Variants in ANO2 observed in about 807,000 individuals in gnomAD.
The protein encoded by ANO2 is anoctamin-2.
ANO2 carries 101 observed loss-of-function variants against 124.2 expected under a neutral mutation model. The ratio of observed to expected loss-of-function variants is 0.81; its 90% CI spans 0.69 to 0.96. The LOEUF (loss-of-function observed/expected upper bound fraction) is 0.96, where lower values mean the gene tolerates loss of function less well. Among genes scored for constraint, ANO2 ranks in the 40% least tolerant of loss-of-function variants. ANO2 has a pLI of 0.00. For synonymous variants in ANO2, 486 were observed against 482.5 expected (o/e 1.01, Z -0.09); for missense variants, 1,293 against 1,274.5 (o/e 1.01, Z -0.22).
At chr12:5,608,476 G>A (rs1190591215) in intron 19 of ANO2, among the ~76,000 whole-genome samples, 6 of 151,980 alleles carry the variant, frequency 3.9e-5, no homozygotes, top group African/African-American at 1.5e-4. Flanking sequence ...TTTTGAAAGA[G>A]GGGTGGCTTG....
intron 2 of ANO2, among the ~76,000 whole-genome samples, chr12:5,922,137 G>A (rs1042238882): frequency 7.2e-5 from 11 of 152,192 alleles, no homozygotes; most frequent in South Asian, 2.1e-4. Context: ...TCCAGAGGTG[G>A]GGAGGTGGAA....
chr12:5,891,498 G>T (rs1174842897), intron 3 of ANO2, among the ~76,000 whole-genome samples: 1 of 152,094 alleles, frequency 6.6e-6, no homozygotes, highest in East Asian at 1.9e-4. Context: ...TGGCAAAGAG[G>T]GTCTCAGGGG....
intron 19 of ANO2, among the ~76,000 whole-genome samples, chr12:5,600,631 G>A (rs1402320862): frequency 1.3e-5 from 2 of 152,166 alleles, no homozygotes. Flanking sequence ...TTAGGGTGGA[G>A]TTATTTCATA....
intron 3 of ANO2, among the ~76,000 whole-genome samples, chr12:5,884,153 G>T (rs1938715591): frequency 6.6e-6 from 1 of 152,152 alleles, no homozygotes; most frequent in Non-Finnish European, 1.5e-5. Flanking sequence ...TGGAATCTGG[G>T]CCTCTCACCA....
intron 20 of ANO2, among the ~76,000 whole-genome samples, chr12:5,597,606 T>G (rs1333658396): frequency 6.6e-6 from 1 of 152,174 alleles, no homozygotes; most frequent in Non-Finnish European, 1.5e-5. Flanking sequence ...AGCTTTGAAA[T>G]AGCTGAACAG....
At chr12:5,685,666 A>G (rs1367000543) in intron 14 of ANO2, among the ~76,000 whole-genome samples, 3 of 152,324 alleles carry the variant, frequency 2.0e-5, no homozygotes, top group African/African-American at 4.8e-5. Context: ...TGCCACCCAC[A>G]GTCCAGCTAT....
At chr12:5,667,527 T>C (rs12579843) in intron 14 of ANO2, among the ~76,000 whole-genome samples, 15,406 of 151,906 alleles carry the variant, frequency 0.1, 1,029 homozygotes, top group African/African-American at 0.18. Flanking sequence ...GAAGTATTGA[T>C]AGCTCTTTTT....
chr12:5,565,550 C>T lies in ANO2; in HGVS notation c.2727+8G>A, dbSNP rs1341447848. 3 of 1,585,118 alleles carry T rather than the reference C, an allele frequency of 1.9e-6. No homozygotes were observed. Among genetic ancestry groups the T allele is most frequent in the African/African-American group, 1.3e-5 (1 of 74,460 alleles). ...TCGAATGGGCTATTCCCTATCCCAGCAACTCACCTGGAAGATTATGACAAA... is the reference window on the plus strand; with the variant it reads ...TCGAATGGGCTATTCCCTATCCCAGTAACTCACCTGGAAGATTATGACAAA... On this transcript the variant is annotated splice_region_variant and intron_variant, in intron 24 of 24. Coordinates refer to ENST00000682330, the MANE Select transcript of ANO2 (RefSeq NM_001364791.2).
chr12:5,920,182 C>CCAGAGGTGAGAGTATCTATAGCTTA (rs1941620669), intron 3 of ANO2, among the ~76,000 whole-genome samples: 1 of 151,946 alleles, frequency 6.6e-6, no homozygotes, highest in Non-Finnish European at 1.5e-5. Context: ...CTTGCACTGA[C>CCAGAGGTGAGAGTATCTATAGCTTA]CAGAGGTGAG....
rs939006495 is a variant in ANO2 at position 5,908,413 on chromosome 12, G to A, written c.534+12627C>T. On this transcript the variant is annotated intron_variant, in intron 3 of 24. Coordinates refer to ENST00000682330, the MANE Select transcript of ANO2 (RefSeq NM_001364791.2). This position sits in a 1 kb window ranked among gnomAD's most constrained non-coding sequence, Gnocchi z 4.7. ...CAATTCCTGAGTGGAAACTCAACAA[G>A]GCAGTAATACGAACACCAGCAGTCA... Among the ~76,000 whole-genome samples, 1 of 152,222 alleles carries A rather than the reference G, an allele frequency of 6.6e-6. No homozygotes were observed. The highest frequency in any genetic ancestry group is 2.4e-5 in the African/African-American group (1 of 41,448).
At chr12:5,739,486 A>G (rs950559882) in intron 12 of ANO2, 87 bp from the exon 13 acceptor site, 11 of 1,115,992 alleles carry the variant, frequency 9.9e-6, no homozygotes, top group Non-Finnish European at 1.4e-5. Flanking sequence ...GAGGTGGGGG[A>G]TAAGCTATTT....
At chr12:5,745,480 G>A (rs1448609282) in intron 11 of ANO2, among the ~76,000 whole-genome samples, 1 of 152,200 alleles carries the variant, frequency 6.6e-6, no homozygotes, top group Non-Finnish European at 1.5e-5. Flanking sequence ...TGGCTCACAA[G>A]TGGGAGCCAC....
intron 3 of ANO2, among the ~76,000 whole-genome samples, chr12:5,918,527 C>G (rs1292415473): frequency 6.6e-6 from 1 of 151,890 alleles, no homozygotes; most frequent in Non-Finnish European, 1.5e-5. Context: ...GCAACCTCCA[C>G]CTCCCGGGTT....
At chr12:5,836,353 A>C (rs1415752638) in intron 4 of ANO2, among the ~76,000 whole-genome samples, 1 of 152,274 alleles carries the variant, frequency 6.6e-6, no homozygotes, top group African/African-American at 2.4e-5. Context: ...AATAAATTTT[A>C]AATGTAATTA....
chr12:5,661,683 C>T (rs1947451422), intron 14 of ANO2, among the ~76,000 whole-genome samples: 2 of 152,250 alleles, frequency 1.3e-5, no homozygotes, highest in South Asian at 4.1e-4. Context: ...TTTAGCTAAT[C>T]CATGGAATCA....
Position 5,868,128 on chromosome 12 carries a change from T to G in ANO2, c.535-13987A>C, listed in dbSNP as rs1284807529. Reference sequence around the variant, plus strand: ...GACAGATACCCCATTGTCCACAATGTGATTATTACGAATTACATGCCTGTA... The same window carrying G: ...GACAGATACCCCATTGTCCACAATGGGATTATTACGAATTACATGCCTGTA... On this transcript the variant is annotated intron_variant, in intron 3 of 24. Transcript: ENST00000682330. Among the ~76,000 whole-genome samples, 3 of 152,312 alleles carry G rather than the reference T, an allele frequency of 2.0e-5. No homozygotes were observed. The South Asian group carries it at 6.2e-4, about 32-fold the overall frequency.
intron 15 of ANO2, among the ~76,000 whole-genome samples, chr12:5,640,972 C>G (rs1312220487): frequency 6.6e-6 from 1 of 152,188 alleles, no homozygotes; most frequent in East Asian, 1.9e-4. Flanking sequence ...TTGGAACCAA[C>G]CCAAATGTCC....
intron 3 of ANO2, chr12:5,856,152 C>T (rs973904483): frequency 3.3e-5 from 5 of 152,224 alleles, no homozygotes; most frequent in African/African-American, 1.2e-4. Flanking sequence ...GCAAGCCCAG[C>T]TCTCCATCAC....
intron 10 of ANO2, among the ~76,000 whole-genome samples, chr12:5,764,092 G>A (rs1252646544): frequency 1.3e-5 from 2 of 150,852 alleles, no homozygotes; most frequent in African/African-American, 2.4e-5. Flanking sequence ...AGAAAAGGTA[G>A]GAGAGACATA....
Sources: allele counts gnomAD v4.1 joint callset (sites outside exome capture counted in the v4.1 genomes callset), GRCh38; gene constraint gnomAD v4.1.1; non-coding constraint Gnocchi (gnomAD v3.1); transcripts MANE v1.5; gene names NCBI Gene and HGNC (gene_info 2026-07-23, HGNC 2026-07-21).